CORIN: variants seen among roughly 807,000 people sequenced by gnomAD.
CORIN encodes the protein atrial natriuretic peptide-converting enzyme.
In CORIN, 117 loss-of-function variants were observed where a neutral mutation model predicts 125.3. The observed-to-expected ratio is 0.93, with a 90% confidence interval of 0.80 to 1.09. The LOEUF is 1.09. Among genes scored for constraint, CORIN ranks in the 50% least tolerant of loss-of-function variants. CORIN has a pLI of 0.00. For missense variants in CORIN, 1,253 were observed against 1,306.7 expected (o/e 0.96, Z 0.63); for synonymous variants, 450 against 466.4 (o/e 0.96, Z 0.45).
At chr4:47,711,909 G>GTCC (rs1402116933) in intron 5 of CORIN, among the ~76,000 whole-genome samples, 5 of 152,182 alleles carry the variant, frequency 3.3e-5, no homozygotes, top group Non-Finnish European at 7.3e-5. Context: ...AGCTATAAAC[G>GTCC]TGACAGACTT....
At chr4:47,784,862 T>C (rs1173136187) in intron 3 of CORIN, among the ~76,000 whole-genome samples, 1 of 152,206 alleles carries the variant, frequency 6.6e-6, no homozygotes, top group East Asian at 1.9e-4. Flanking sequence ...GTAAACACTA[T>C]GCACAACAAA....
chr4:47,800,933 A>G (rs1453264290), intron 2 of CORIN, among the ~76,000 whole-genome samples: 2 of 152,126 alleles, frequency 1.3e-5, no homozygotes, highest in Non-Finnish European at 2.9e-5. Context: ...GCTTCTGCTT[A>G]ATGCATTTTC....
chr4:47,705,934 A>G (rs1726532047), intron 5 of CORIN, among the ~76,000 whole-genome samples: 1 of 152,244 alleles, frequency 6.6e-6, no homozygotes, highest in Non-Finnish European at 1.5e-5. Flanking sequence ...TTTAAAAATC[A>G]TTTTGCATTT....
intron 1 of CORIN, among the ~76,000 whole-genome samples, chr4:47,823,481 C>T (rs769627753): frequency 3.3e-5 from 5 of 152,226 alleles, no homozygotes; most frequent in Non-Finnish European, 4.4e-5. Context: ...GTGTTGTTCC[C>T]AGTTTCTCTC....
At chr4:47,697,502 TC>T (rs1297166879) in intron 5 of CORIN, among the ~76,000 whole-genome samples, 1 of 152,078 alleles carries the variant, frequency 6.6e-6, no homozygotes, top group East Asian at 1.9e-4. Flanking sequence ...TCGCCTGAGG[TC>T]AGGGGTTCAA....
chr4:47,819,441 T>C (rs1472814494), intron 1 of CORIN, among the ~76,000 whole-genome samples: 1 of 152,116 alleles, frequency 6.6e-6, no homozygotes, highest in African/African-American at 2.4e-5. Flanking sequence ...GTTAAACTCT[T>C]GCAAACTCAA....
intron 2 of CORIN, among the ~76,000 whole-genome samples, chr4:47,789,046 T>C (rs1487182605): frequency 6.6e-6 from 1 of 152,226 alleles, no homozygotes; most frequent in Non-Finnish European, 1.5e-5. Flanking sequence ...CTCATGCCTG[T>C]AATCCCAGCA....
At chr4:47,684,884 T>C (rs1034005953) in intron 6 of CORIN, among the ~76,000 whole-genome samples, 1 of 151,876 alleles carries the variant, frequency 6.6e-6, no homozygotes, top group Non-Finnish European at 1.5e-5. Context: ...ACGTTATTAG[T>C]CATTAAGCAA....
intron 19 of CORIN, among the ~76,000 whole-genome samples, chr4:47,605,678 C>T (rs369001524): frequency 6.6e-6 from 1 of 152,232 alleles, no homozygotes; most frequent in South Asian, 2.1e-4. Context: ...CCAGGCTGAA[C>T]ACTGAATCCT....
intron 19 of CORIN, among the ~76,000 whole-genome samples, chr4:47,619,370 A>T (rs529830475): frequency 1.3e-5 from 2 of 152,334 alleles, no homozygotes; most frequent in South Asian, 4.1e-4. Context: ...TGGGATCAGG[A>T]TATGAAGTAA....
At chr4:47,627,955 A>C (rs1004231269) in intron 16 of CORIN, among the ~76,000 whole-genome samples, 4 of 152,156 alleles carry the variant, frequency 2.6e-5, no homozygotes, top group Non-Finnish European at 5.9e-5. Context: ...TCAACTCAAA[A>C]GGCCCCCAGC....
intron 5 of CORIN, among the ~76,000 whole-genome samples, chr4:47,732,414 T>G (rs536274682): frequency 8.5e-5 from 13 of 152,236 alleles, no homozygotes; most frequent in African/African-American, 3.1e-4. Flanking sequence ...TAACAGATAC[T>G]GTCAGTTTCA....
At chr4:47,693,380 C>A (rs1262144953) in intron 5 of CORIN, among the ~76,000 whole-genome samples, 1 of 152,142 alleles carries the variant, frequency 6.6e-6, no homozygotes, top group Non-Finnish European at 1.5e-5. Flanking sequence ...TCATCATTTG[C>A]ACAATTTATG....
intron 2 of CORIN, among the ~76,000 whole-genome samples, chr4:47,805,852 C>A (rs757828463): frequency 6.6e-6 from 1 of 152,154 alleles, no homozygotes; most frequent in Non-Finnish European, 1.5e-5. Context: ...AATTCAAAAT[C>A]ATTGGCAATG....
intron 12 of CORIN, among the ~76,000 whole-genome samples, chr4:47,656,821 T>C (rs1353099668): frequency 1.3e-5 from 2 of 152,178 alleles, no homozygotes; most frequent in Non-Finnish European, 1.5e-5. Context: ...GCCATCCAAA[T>C]TGGAAATGAA....
rs778162920 is a variant in CORIN, at chr4:47,665,244, T to A, written c.1377A>T (p.Thr459=). 1 of 1,613,396 alleles carries A rather than the reference T, an allele frequency of 6.2e-7. No individual in the cohort carries two copies. The highest frequency in any genetic ancestry group is 8.5e-7 in the Non-Finnish European group (1 of 1,179,416). Residue 459 remains threonine (T), a synonymous_variant, in exon 11 of 22, where the codon ACA becomes ACT. Transcript: ENST00000273857. ...LNNCSQCEPI[T]LELCMNLPYN... ...AGGGCAAATTCATGCAGAGTTCCAA[T>A]GTAATTGGTTCACATTGACCTAACA...
chr4:47,622,671 T>C (rs1175317116), intron 19 of CORIN, among the ~76,000 whole-genome samples: 2 of 152,196 alleles, frequency 1.3e-5, no homozygotes, highest in East Asian at 1.9e-4. Context: ...TCTGTTCATG[T>C]CCTTCGCCCA....
intron 19 of CORIN, among the ~76,000 whole-genome samples, chr4:47,615,160 G>A (rs1296094400): frequency 6.6e-6 from 1 of 152,296 alleles, no homozygotes; most frequent in East Asian, 1.9e-4. Context: ...ATGAAAGCTA[G>A]CATGGTTAGA....
chr4:47,789,788 A>C (rs891839411), intron 2 of CORIN, among the ~76,000 whole-genome samples: 1 of 152,208 alleles, frequency 6.6e-6, no homozygotes. Flanking sequence ...TGGGAGGCTG[A>C]GGCAGGCGCA....
Sources: allele counts gnomAD v4.1 joint callset (sites outside exome capture counted in the v4.1 genomes callset), GRCh38; gene constraint gnomAD v4.1.1; transcripts MANE v1.5; gene names NCBI Gene and HGNC (gene_info 2026-07-23, HGNC 2026-07-21).